GOLPH3: variants seen among roughly 807,000 people sequenced by gnomAD.
The protein encoded by GOLPH3 is coat protein GPP34.
A neutral mutation model predicts 28.5 loss-of-function variants in GOLPH3; 14 were observed. The observed-to-expected ratio is 0.49, with a 90% CI of 0.32 to 0.77. The LOEUF is 0.77. Ranked by LOEUF, GOLPH3 falls within the 30% of genes least tolerant of loss-of-function variation. The pLI, the probability that GOLPH3 is intolerant of heterozygous loss-of-function variation, is 0.03. For synonymous variants in GOLPH3, 158 were observed against 159.2 expected, an observed-to-expected ratio of 0.99 and a Z score of 0.06; for missense variants, 350 against 393.7, an observed-to-expected ratio of 0.89 and a Z score of 0.94.
In GOLPH3 at chr5:32,134,520, T is replaced by TTA. The variant is rs1281069710; in HGVS notation, c.472+1051_472+1052insTA. On this transcript the variant is annotated intron_variant, in intron 3 of 3. Coordinates refer to ENST00000265070, the MANE Select transcript of GOLPH3 (RefSeq NM_022130.4). Reference sequence around the variant, plus strand: ...CACCATGCCTGGCCAAAAAATAAAATAAAAAAAAAAAAAAAAAACTCAGCG... The same window carrying TTA: ...CACCATGCCTGGCCAAAAAATAAAATTAAAAAAAAAAAAAAAAAAACTCAGCG... 2.3e-4 allele frequency among the ~76,000 whole-genome samples: 26 copies of TTA among 112,110 alleles called. No homozygotes were observed. The East Asian group carries it at 3.2e-3, about 14-fold the overall frequency. 73.5% of individuals were successfully genotyped at this position (112,110 alleles called of 152,430 possible). A position where few individuals can be genotyped will look rare whatever the true frequency, so the allele number is the denominator to read the frequency against.
intron 1 of GOLPH3, among the ~76,000 whole-genome samples, chr5:32,166,046 T>A (rs1746702020): frequency 6.6e-6 from 1 of 152,246 alleles, no homozygotes; most frequent in Non-Finnish European, 1.5e-5. Flanking sequence ...GCTTTGAGTA[T>A]CTAATGAAAG....
intron 1 of GOLPH3, among the ~76,000 whole-genome samples, chr5:32,152,360 C>T (rs1433697737): frequency 1.3e-5 from 2 of 149,054 alleles, no homozygotes; most frequent in African/African-American, 2.5e-5. Context: ...CTCCTGACCG[C>T]GTGATCCGCC....
At chr5:32,156,380 G>A (rs1275919528) in intron 1 of GOLPH3, among the ~76,000 whole-genome samples, 1 of 152,118 alleles carries the variant, frequency 6.6e-6, no homozygotes, top group East Asian at 1.9e-4. Flanking sequence ...GTGTGCACCT[G>A]TAATCCCAGC....
At chr5:32,133,982 C>G (rs2111841058) in intron 3 of GOLPH3, among the ~76,000 whole-genome samples, 1 of 152,218 alleles carries the variant, frequency 6.6e-6, no homozygotes, top group Non-Finnish European at 1.5e-5. Flanking sequence ...ACGTTCTTAC[C>G]AATAAGAAAA....
At chr5:32,140,665 GAA>G (rs11352127) in intron 2 of GOLPH3, among the ~76,000 whole-genome samples, 11 of 117,058 alleles carry the variant, frequency 9.4e-5, no homozygotes, top group African/African-American at 1.8e-4. Context: ...CTCAGTCTCA[GAA>G]AAAAAAAAAA....
At chr5:32,157,970 T>G (rs1746468317) in intron 1 of GOLPH3, among the ~76,000 whole-genome samples, 1 of 130,854 alleles carries the variant, frequency 7.6e-6, no homozygotes, top group African/African-American at 3.0e-5. Context: ...AGAGCTAAAC[T>G]CTGTCTCAAA....
At chr5:32,166,328 T>A (rs1172335019) in intron 1 of GOLPH3, among the ~76,000 whole-genome samples, 1 of 152,232 alleles carries the variant, frequency 6.6e-6, no homozygotes, top group African/African-American at 2.4e-5. Context: ...AGAAATAGCC[T>A]ATGTTCTAAA....
At chr5:32,159,380 C>A (rs1224042002) in intron 1 of GOLPH3, among the ~76,000 whole-genome samples, 2 of 152,168 alleles carry the variant, frequency 1.3e-5, no homozygotes, top group Non-Finnish European at 2.9e-5. Flanking sequence ...ACAAAGTGTG[C>A]CAGGTATGGA....
At chr5:32,146,386 A>C (rs161523) in intron 1 of GOLPH3, among the ~76,000 whole-genome samples, 5,026 of 152,214 alleles carry the variant, frequency 0.033, 285 homozygotes, top group African/African-American at 0.12. Context: ...TATGTTCTAA[A>C]ATATAAGGAT....
intron 1 of GOLPH3, among the ~76,000 whole-genome samples, chr5:32,172,514 G>A (rs1258368386): frequency 1.3e-5 from 2 of 152,040 alleles, no homozygotes; most frequent in Non-Finnish European, 2.9e-5. Context: ...GGCCAACATG[G>A]TGAAACCCCG....
chr5:32,137,881 C>A (rs1745969537), intron 2 of GOLPH3, among the ~76,000 whole-genome samples: 1 of 148,334 alleles, frequency 6.7e-6, no homozygotes, highest in South Asian at 2.1e-4. Flanking sequence ...ATTTAAATGT[C>A]ATAAAATTTA....
intron 2 of GOLPH3, among the ~76,000 whole-genome samples, chr5:32,140,870 G>C (rs1201951843): frequency 6.6e-6 from 1 of 150,562 alleles, no homozygotes; most frequent in East Asian, 2.0e-4. Context: ...CTGTATACTA[G>C]AAAACAGTGG....
chr5:32,170,895 C>T (rs1746818041), intron 1 of GOLPH3, among the ~76,000 whole-genome samples: 1 of 151,612 alleles, frequency 6.6e-6, no homozygotes, highest in Non-Finnish European at 1.5e-5. Context: ...TCTGGACTTG[C>T]CTAAAAAAAA....
intron 1 of GOLPH3, among the ~76,000 whole-genome samples, chr5:32,151,336 G>C (rs1746301608): frequency 6.6e-6 from 1 of 151,854 alleles, no homozygotes; most frequent in Non-Finnish European, 1.5e-5. Flanking sequence ...GACCAGCCTG[G>C]TAACACAGCG....
intron 1 of GOLPH3, among the ~76,000 whole-genome samples, chr5:32,172,372 T>A (rs574266254): frequency 6.6e-6 from 1 of 152,142 alleles, no homozygotes; most frequent in South Asian, 2.1e-4. Context: ...TTTTTTTTTT[T>A]TTTGCCCACC....
At chr5:32,167,945 C>A (rs1274261737) in intron 1 of GOLPH3, among the ~76,000 whole-genome samples, 2 of 151,934 alleles carry the variant, frequency 1.3e-5, no homozygotes, top group Non-Finnish European at 2.9e-5. Flanking sequence ...CAAAGCTAGG[C>A]CCTGTCTCAA....
At position 32,174,074 on chromosome 5, in the gene GOLPH3, A is replaced by G. The variant is rs2111907280; in HGVS notation, c.-40T>C. The G allele has an allele frequency of 8.1e-7, 1 of 1,229,366 alleles. No homozygotes were observed. The highest frequency in any genetic ancestry group is 3.5e-5 in the South Asian group (1 of 28,850). 76.2% of individuals were successfully genotyped at this position (1,229,366 alleles called of 1,614,324 possible). A position where few individuals can be genotyped will look rare whatever the true frequency, so the allele number is the denominator to read the frequency against. On this transcript the variant is annotated 5_prime_UTR_variant, in exon 1 of 4. Coordinates refer to ENST00000265070, the MANE Select transcript of GOLPH3 (RefSeq NM_022130.4). ...CGCCGAGCCGGGCCGAGAGGGTCGCAGGACCGACCGGGTCGCCCTCCTCCT... is the reference window on the plus strand; with the variant it reads ...CGCCGAGCCGGGCCGAGAGGGTCGCGGGACCGACCGGGTCGCCCTCCTCCT...
At chr5:32,153,711 A>G (rs1422019723) in intron 1 of GOLPH3, among the ~76,000 whole-genome samples, 1 of 152,244 alleles carries the variant, frequency 6.6e-6, no homozygotes, top group African/African-American at 2.4e-5. Context: ...AAAAATCTAT[A>G]ATGTTAAACT....
At chr5:32,157,162 G>A (rs1468096292) in intron 1 of GOLPH3, among the ~76,000 whole-genome samples, 2 of 152,164 alleles carry the variant, frequency 1.3e-5, no homozygotes, top group Non-Finnish European at 2.9e-5. Context: ...CACTCCCTGG[G>A]AACTTGGACA....
Sources: gnomAD v4.1 joint callset for allele counts (sites outside exome capture counted in the v4.1 genomes callset) on GRCh38, gnomAD v4.1.1 for gene constraint, MANE v1.5 for transcripts, NCBI Gene and HGNC (gene_info 2026-07-23, HGNC 2026-07-21) for gene names.